The following PALM2AKAP2 variants were observed in gnomAD, a reference collection of about 807,000 sequenced individuals.
PALM2AKAP2 encodes PALM2 and AKAP2 fusion.
Under a neutral mutation model 71.5 loss-of-function variants are expected in PALM2AKAP2, and 37 were observed. That is an observed-to-expected ratio of 0.52 (90% CI 0.40 to 0.68). The LOEUF is 0.68. Ranked by LOEUF, PALM2AKAP2 falls within the 30% of genes least tolerant of loss-of-function variation. PALM2AKAP2 has a pLI of 0.00. For missense variants in PALM2AKAP2, 1,224 were observed against 1,191.8 expected (o/e 1.03, Z -0.40); for synonymous variants, 468 against 478.8 (o/e 0.98, Z 0.29).
chr9:109,693,123 A>G (rs1290046759), intron 1 of PALM2AKAP2, among the ~76,000 whole-genome samples: 11 of 151,970 alleles, frequency 7.2e-5, no homozygotes, highest in African/African-American at 2.2e-4. Context: ...CTTTGTGAGA[A>G]TGTTTCCAAT....
At chr9:110,029,287 G>A (rs1455166411) in intron 7 of PALM2AKAP2, among the ~76,000 whole-genome samples, 1 of 152,062 alleles carries the variant, frequency 6.6e-6, no homozygotes, top group African/African-American at 2.4e-5. Flanking sequence ...TTTTTAGTTG[G>A]GATATCAGTG....
At chr9:109,893,154 G>C (rs1406332924) in intron 3 of PALM2AKAP2, among the ~76,000 whole-genome samples, 2 of 152,044 alleles carry the variant, frequency 1.3e-5, no homozygotes, top group African/African-American at 2.4e-5. Flanking sequence ...AGAGAGCAGT[G>C]GCCACTGCCT....
chr9:109,666,199 T>C lies in PALM2AKAP2; in HGVS notation c.5+25333T>C, dbSNP rs1376200578. 2.6e-5 allele frequency among the ~76,000 whole-genome samples: 4 copies of C among 152,090 alleles called. No individual in the cohort carries two copies. In the East Asian group the frequency reaches 5.8e-4, roughly 22 times the overall value. ...CTCACCCTCTGTGGGCTGCATCCAC[T>C]CTCCAACCAGCCCCAGTGAGATGAA... On this transcript the variant is annotated intron_variant, in intron 1 of 6. Coordinates refer to the PALM2AKAP2 transcript ENST00000374531.
chr9:109,946,419 G>A (rs901364002), intron 6 of PALM2AKAP2: 10 of 151,964 alleles, frequency 6.6e-5, no homozygotes, highest in African/African-American at 1.2e-4. Context: ...CGAGTGCAGC[G>A]GCTCACACCT....
intron 7 of PALM2AKAP2, among the ~76,000 whole-genome samples, chr9:110,041,493 A>G (rs924611232): frequency 6.6e-6 from 1 of 152,126 alleles, no homozygotes; most frequent in Non-Finnish European, 1.5e-5. Flanking sequence ...TCTTTTAAAG[A>G]GGCTCAAGCA....
chr9:109,703,870 A>C (rs1828102873), intron 1 of PALM2AKAP2, among the ~76,000 whole-genome samples: 2 of 152,092 alleles, frequency 1.3e-5, no homozygotes, highest in Non-Finnish European at 1.5e-5. Context: ...GATATAAGAA[A>C]ATTTGTATTA....
intron 4 of PALM2AKAP2, among the ~76,000 whole-genome samples, chr9:109,924,364 C>T (rs1966237): frequency 0.06 from 9,157 of 151,938 alleles, 507 homozygotes; most frequent in East Asian, 0.27. Context: ...TTTGGGAGGC[C>T]GGGGCGGGTG....
intron 6 of PALM2AKAP2, among the ~76,000 whole-genome samples, chr9:110,014,846 ATATAT>A: frequency 7.5e-6 from 1 of 133,782 alleles, no homozygotes; most frequent in Non-Finnish European, 1.6e-5. Context: ...ATATATATAT[ATATAT>A]ACACACACAC....
At chr9:110,118,007 G>GTGTA (rs1381417058) in intron 1 of PALM2AKAP2, among the ~76,000 whole-genome samples, 3 of 150,880 alleles carry the variant, frequency 2.0e-5, no homozygotes, top group South Asian at 4.2e-4. Context: ...GTGTGTGTGT[G>GTGTA]TGTATGTAGT....
At chr9:109,678,589 A>G (rs1382578980) in intron 1 of PALM2AKAP2, among the ~76,000 whole-genome samples, 1 of 152,226 alleles carries the variant, frequency 6.6e-6, no homozygotes, top group Non-Finnish European at 1.5e-5. Flanking sequence ...ATTTTCAGAT[A>G]GATGCTGTTT....
In PALM2AKAP2 at chr9:109,882,466, G is replaced by A. The variant is rs550491333; in HGVS notation, c.257+1785G>A. Among the ~76,000 whole-genome samples the A allele has an allele frequency of 1.7e-4, 26 of 152,270 alleles. No homozygotes were observed. In the South Asian group the frequency reaches 5.2e-3, roughly 30 times the overall value. On this transcript the variant is annotated intron_variant, in intron 3 of 9. Transcript: ENST00000302798. ...TACATATGTATACTCACACACACCC[G>A]TGTACATGCACATGCTTTTTCTTAG...
chr9:109,805,441 C>T (rs774281045), intron 1 of PALM2AKAP2, among the ~76,000 whole-genome samples: 2 of 152,214 alleles, frequency 1.3e-5, no homozygotes, highest in South Asian at 4.1e-4. Context: ...TTTTTTTCCC[C>T]GAAATTCCAG....
At chr9:109,698,743 A>G (rs891196329) in intron 1 of PALM2AKAP2, among the ~76,000 whole-genome samples, 1 of 152,184 alleles carries the variant, frequency 6.6e-6, no homozygotes, top group African/African-American at 2.4e-5. Flanking sequence ...AGTGGTGGTC[A>G]TTTATTTGTT....
intron 1 of PALM2AKAP2, among the ~76,000 whole-genome samples, chr9:109,796,185 TA>T (rs755749849): frequency 3.3e-5 from 5 of 152,100 alleles, no homozygotes; most frequent in Non-Finnish European, 7.3e-5. Flanking sequence ...ATGCACAAAA[TA>T]AAATATTTAG....
intron 1 of PALM2AKAP2, among the ~76,000 whole-genome samples, chr9:109,653,208 A>T (rs551754112): frequency 7.4e-4 from 112 of 152,344 alleles, no homozygotes; most frequent in African/African-American, 2.6e-3. Flanking sequence ...CTTTCAGATG[A>T]TGGTGCAAAG....
chr9:109,885,626 A>G (rs1476698488), intron 3 of PALM2AKAP2, among the ~76,000 whole-genome samples: 1 of 152,226 alleles, frequency 6.6e-6, no homozygotes, highest in African/African-American at 2.4e-5. Flanking sequence ...ACACAAGGAT[A>G]AAGGACAACC....
chr9:109,950,303 A>C lies in PALM2AKAP2; in HGVS notation c.496+18275A>C, dbSNP rs563105320. 1.3e-3 allele frequency among the ~76,000 whole-genome samples: 204 copies of C among 152,148 alleles called. 1 individual carries two copies. Among genetic ancestry groups the C allele is most frequent in the Admixed American group, 2.2e-3 (34 of 15,288 alleles). Reference sequence around the variant, plus strand: ...GCAAGACTCTGTCTCAAAAAAAAAAACAAAAAAACAATTATCAGTTGGCCT... The same window carrying C: ...GCAAGACTCTGTCTCAAAAAAAAAACCAAAAAAACAATTATCAGTTGGCCT... On this transcript the variant is annotated intron_variant, in intron 6 of 9. Coordinates refer to the PALM2AKAP2 transcript ENST00000302798.
chr9:110,155,218 G>A (rs1032962968), intron 2 of PALM2AKAP2, among the ~76,000 whole-genome samples: 2 of 152,158 alleles, frequency 1.3e-5, no homozygotes, highest in Non-Finnish European at 2.9e-5. Flanking sequence ...AGTCCCCTTC[G>A]GCTTGGAACT....
chr9:110,039,412 G>C (rs977780235), intron 7 of PALM2AKAP2, among the ~76,000 whole-genome samples: 3 of 152,116 alleles, frequency 2.0e-5, no homozygotes, highest in Non-Finnish European at 4.4e-5. Flanking sequence ...GTTTTGGGAA[G>C]GATAAAATTG....
Sources: allele counts gnomAD v4.1 joint callset (sites outside exome capture counted in the v4.1 genomes callset), GRCh38; gene constraint gnomAD v4.1.1; transcripts MANE v1.5; gene names NCBI Gene and HGNC (gene_info 2026-07-23, HGNC 2026-07-21).